The following HAS3 variants were observed in gnomAD, a reference collection of about 807,000 sequenced individuals.
The protein encoded by HAS3 is hyaluronan synthase 3, also known as HA synthase 3.
HAS3 carries 27 observed loss-of-function variants against 50.3 expected under a neutral mutation model. The observed-to-expected ratio is 0.54, with a 90% CI of 0.40 to 0.74. HAS3 has a LOEUF of 0.74. Among genes scored for constraint, HAS3 ranks in the 30% least tolerant of loss-of-function variants. The pLI, the probability that HAS3 is intolerant of heterozygous loss-of-function variation, is 0.00. For missense variants in HAS3, 517 were observed against 742.8 expected (o/e 0.70, Z 3.53); for synonymous variants, 339 against 310.9 (o/e 1.09, Z -0.95).
chr16:69,117,733 G>C (rs970223527), downstream of HAS3: 6 of 768,320 alleles, frequency 7.8e-6, no homozygotes, highest in African/African-American at 1.9e-5. Flanking sequence ...ACTTAAAATA[G>C]AAAGTTTAGT....
chr16:69,083,560 A>G, the HAS3 span: 1 of 1,610,646 alleles, frequency 6.2e-7, no homozygotes, highest in African/African-American at 1.3e-5. Flanking sequence ...TGACGTGGCC[A>G]AGCTCCATGC....
chr16:69,103,142 CAT>C (rs1454798452), upstream of HAS3, among the ~76,000 whole-genome samples: 4 of 152,182 alleles, frequency 2.6e-5, no homozygotes, highest in African/African-American at 9.7e-5. Context: ...CACCTGGCCA[CAT>C]GAGGCCCTCC....
rs370643502 is a variant in HAS3 at position 69,115,041 on chromosome 16, T to C, written c.1437T>C (p.Ile479=). ...GAAAAACCATTGTGGTGAACTTCAT[T>C]GGCCTCATTCCTGTGTCCATCTGGG... ...SGRKTIVVNF[I]GLIPVSIWVA... is the part of the protein sequence containing the mutation. The change falls in exon 4 of 4, where the codon ATT becomes ATC. Residue 479 remains isoleucine, a synonymous_variant. Transcript: ENST00000569188. 2.7e-5 allele frequency: 44 copies of C among 1,614,044 alleles called. No homozygotes were observed. The highest frequency in any genetic ancestry group is 3.3e-5 in the Non-Finnish European group (39 of 1,180,028).
chr16:69,085,724 C>A, the HAS3 span, among the ~76,000 whole-genome samples: 2 of 150,816 alleles, frequency 1.3e-5, no homozygotes, highest in African/African-American at 4.9e-5. Flanking sequence ...ACCACAGGTG[C>A]GCACCACCAT....
intron 2 of HAS3, 127 bp downstream of exon 2, chr16:69,110,158 A>C (rs1960952412): frequency 1.5e-5 from 14 of 964,942 alleles, no homozygotes; most frequent in South Asian, 1.2e-4. Context: ...GCACTTAAGA[A>C]GGCAACAAGG....
At chr16:69,083,533 G>T in the HAS3 span, 1 of 1,612,570 alleles carries the variant, frequency 6.2e-7, no homozygotes, top group Non-Finnish European at 8.5e-7. Flanking sequence ...GAAGCACGTA[G>T]TGTGTCTGGA....
In HAS3 at chr16:69,107,667, A is replaced by AG. The variant is rs1453868964; in HGVS notation, c.1-1723dup. ...TCCCCTACCCAGAGCGCAGGCAGGC[A>AG]GGGGGGTCCCGCCGCGCCCCTTCAG... On this transcript the variant is annotated intron_variant, in intron 1 of 3. Coordinates refer to ENST00000569188, the MANE Select transcript of HAS3 (RefSeq NM_001199280.2). This position sits in a 1 kb window ranked among gnomAD's most constrained non-coding sequence, Gnocchi z 5.5. 2.0e-6 allele frequency: 2 copies of AG among 985,398 alleles called. No homozygotes were observed. The highest frequency in any genetic ancestry group is 2.4e-6 in the Non-Finnish European group (2 of 830,024). The allele number at this position is 985,398 out of a possible 1,614,324, so 61.0% of individuals were successfully genotyped here.
At chr16:69,089,111 C>T in the HAS3 span, among the ~76,000 whole-genome samples, 2 of 152,204 alleles carry the variant, frequency 1.3e-5, no homozygotes, top group South Asian at 4.2e-4. Context: ...GGAGAGCAAG[C>T]GTGTTGATCT....
chr16:69,110,032 G>A lies in HAS3; in HGVS notation c.636+1G>A. The A allele has an allele frequency of 6.2e-7, 1 of 1,602,664 alleles. No homozygotes were observed. Among genetic ancestry groups the A allele is most frequent in the Non-Finnish European group, 8.5e-7 (1 of 1,172,384 alleles). On this transcript the variant is annotated splice_donor_variant, in intron 2 of 3. Transcript: ENST00000569188. LOFTEE classifies it high-confidence loss of function. ...CGGCGATTCGGTGGACTACATCCAG[G>A]TAAGGGCGCCTCCCTAGGAGCGTGT...
upstream of HAS3, among the ~76,000 whole-genome samples, chr16:69,104,632 G>A (rs1354685239): frequency 1.3e-5 from 2 of 152,026 alleles, no homozygotes; most frequent in African/African-American, 4.8e-5. Context: ...TAGAGACGGG[G>A]GAAGTCTCGC....
chr16:69,108,856 C>T (rs919762321), intron 1 of HAS3, among the ~76,000 whole-genome samples: 1 of 152,224 alleles, frequency 6.6e-6, no homozygotes, highest in Non-Finnish European at 1.5e-5. Context: ...TTTGCTCCTG[C>T]ACTTTCTTCT....
rs780018082 is a variant in HAS3 at position 69,115,233 on chromosome 16, G to A, written c.1629G>A (p.Pro543=). The A allele has an allele frequency of 2.7e-5, 42 of 1,537,120 alleles. No homozygotes were observed. Among genetic ancestry groups the A allele is most frequent in the African/African-American group, 1.1e-4 (8 of 72,532 alleles). Residue 543 remains proline (P), a synonymous_variant, in exon 4 of 4, where the codon CCG becomes CCA. Coordinates refer to ENST00000569188, the MANE Select transcript of HAS3 (RefSeq NM_001199280.2). ...AIIARRCGKK[P]EQYSLAFAEV is the part of the protein sequence containing the mutation. The stretch of plus-strand genomic sequence containing the variant: ...TCGCCCGGCGATGTGGGAAGAAGCC[G>A]GAGCAGTACAGCTTGGCTTTTGCTG...
At chr16:69,101,353 T>C (rs985920166), upstream of HAS3, among the ~76,000 whole-genome samples, 1 of 152,122 alleles carries the variant, frequency 6.6e-6, no homozygotes, top group Non-Finnish European at 1.5e-5. Flanking sequence ...CAGGCTGGAG[T>C]GCAGTGGTAT....
At chr16:69,083,499 C>T in the HAS3 span, 1 of 1,611,430 alleles carries the variant, frequency 6.2e-7, no homozygotes, top group Non-Finnish European at 8.5e-7. Context: ...TGAGCGCCGT[C>T]CTCAAGGATC....
At chr16:69,096,158 G>A in the HAS3 span, among the ~76,000 whole-genome samples, 3 of 148,302 alleles carry the variant, frequency 2.0e-5, no homozygotes, top group Non-Finnish European at 4.5e-5. Flanking sequence ...CGAGACTGCA[G>A]TGAGCAGAGA....
At chr16:69,084,401 C>T in the HAS3 span, 1 of 152,280 alleles carries the variant, frequency 6.6e-6, no homozygotes, top group Non-Finnish European at 1.5e-5. Flanking sequence ...CCCTGATTAT[C>T]AGGAGAAAAG....
chr16:69,117,142 G>A lies in HAS3; in HGVS notation c.*1876G>A, dbSNP rs1597101999. ...GCTAAGGCAGCTGATCCAGGCAATCGTTCTGCTGGCCAAGAAGTTAAACTA... is the reference window on the plus strand; with the variant it reads ...GCTAAGGCAGCTGATCCAGGCAATCATTCTGCTGGCCAAGAAGTTAAACTA... On this transcript the variant is annotated 3_prime_UTR_variant, in exon 4 of 4. Coordinates refer to ENST00000569188, the MANE Select transcript of HAS3 (RefSeq NM_001199280.2). 6 of 985,702 alleles carry A rather than the reference G, an allele frequency of 6.1e-6. No individual in the cohort carries two copies. Among genetic ancestry groups the A allele is most frequent in the African/African-American group, 3.5e-5 (2 of 57,238 alleles). The allele number at this position is 985,702 out of a possible 1,614,324, so 61.1% of individuals were successfully genotyped here.
At chr16:69,100,962 C>T (rs1960691277), upstream of HAS3, among the ~76,000 whole-genome samples, 3 of 152,148 alleles carry the variant, frequency 2.0e-5, no homozygotes, top group Non-Finnish European at 2.9e-5. Flanking sequence ...TCACCTCCAC[C>T]TCCAGAAGGC....
chr16:69,117,020 G>C lies in HAS3; in HGVS notation c.*1754G>C. 2 of 985,508 alleles carry C rather than the reference G, an allele frequency of 2.0e-6. No individual in the cohort carries two copies. Among genetic ancestry groups the C allele is most frequent in the Non-Finnish European group, 2.4e-6 (2 of 829,934 alleles). The allele number at this position is 985,508 out of a possible 1,614,324, so 61.0% of individuals were successfully genotyped here. Reference sequence around the variant, plus strand: ...CGAACTCAAGGGTTTTCCAGGTGTAGCTAACAGTTGCCACATCACACAGAC... The same window carrying C: ...CGAACTCAAGGGTTTTCCAGGTGTACCTAACAGTTGCCACATCACACAGAC... On this transcript the variant is annotated 3_prime_UTR_variant, in exon 4 of 4. Transcript: ENST00000569188.
Sources: gnomAD v4.1 joint callset for allele counts (sites outside exome capture counted in the v4.1 genomes callset) on GRCh38, gnomAD v4.1.1 for gene constraint, Gnocchi (gnomAD v3.1) non-coding constraint, MANE v1.5 for transcripts, NCBI Gene and HGNC (gene_info 2026-07-23, HGNC 2026-07-21) for gene names.